Variants in ADGRG2 observed in about 807,000 individuals in gnomAD.
The protein encoded by ADGRG2 is adhesion G protein-coupled receptor G2.
In ADGRG2, 26 loss-of-function variants were observed where a neutral mutation model predicts 74.1. That is an observed-to-expected ratio of 0.35 (90% CI 0.26 to 0.49). The LOEUF (loss-of-function observed/expected upper bound fraction) is 0.49. Among genes scored for constraint, ADGRG2 ranks in the 20% least tolerant of loss-of-function variants. The pLI is 0.99. For synonymous variants in ADGRG2, 296 were observed against 295.2 expected (o/e 1.00, Z -0.03); for missense variants, 619 against 763.1 (o/e 0.81, Z 2.22).
intron 2 of ADGRG2, 55 bp from the exon 3 acceptor site, chrX:19,068,890 G>T: frequency 1.8e-6 from 1 of 560,418 alleles, no homozygotes. Context: ...TCACAACACA[G>T]CAATACCTCA....
At chrX:19,113,097 T>A (rs191497078) in intron 1 of ADGRG2, among the ~76,000 whole-genome samples, 320 of 107,368 alleles carry the variant, frequency 3.0e-3, no homozygotes, top group Non-Finnish European at 5.0e-3. Context: ...ACTCTAAACC[T>A]GCCGGTGCGG....
At chrX:19,024,507 G>A (rs770852335) in intron 11 of ADGRG2, among the ~76,000 whole-genome samples, 2 of 112,353 alleles carry the variant, frequency 1.8e-5, no homozygotes, top group South Asian at 3.7e-4. Flanking sequence ...GTTGGGATGA[G>A]AGGAATCCAG....
chrX:19,016,873 T>C (rs1207890025), intron 15 of ADGRG2, among the ~76,000 whole-genome samples: 1 of 108,776 alleles, frequency 9.2e-6, no homozygotes, highest in Non-Finnish European at 1.9e-5. Flanking sequence ...ACTACAGGTG[T>C]ACATCACCCT....
chrX:19,093,374 G>A (rs1166632110), intron 1 of ADGRG2, among the ~76,000 whole-genome samples: 1 of 111,796 alleles, frequency 8.9e-6, no homozygotes, highest in Non-Finnish European at 1.9e-5. Context: ...TCTAAATGGA[G>A]GCCAGTCTGT....
intron 3 of ADGRG2, among the ~76,000 whole-genome samples, chrX:19,040,725 A>G (rs1433968729): frequency 8.9e-6 from 1 of 112,139 alleles, no homozygotes; most frequent in African/African-American, 3.2e-5. Flanking sequence ...CTCTGGGTTT[A>G]TAAACTACAA....
At chrX:19,028,488 ACTC>A (rs2060752036) in intron 9 of ADGRG2, among the ~76,000 whole-genome samples, 1 of 111,424 alleles carries the variant, frequency 9.0e-6, no homozygotes, top group Non-Finnish European at 1.9e-5. Flanking sequence ...GGGGACTTTG[ACTC>A]TATCTGGAAA....
At chrX:19,066,445 CT>C (rs1225489257) in intron 3 of ADGRG2, among the ~76,000 whole-genome samples, 258 of 39,921 alleles carry the variant, frequency 6.5e-3, no homozygotes, top group East Asian at 0.026. Context: ...GAGGATGCTT[CT>C]TTTTTTTTTT....
At chrX:19,021,581 A>G (rs1236548224) in intron 13 of ADGRG2, among the ~76,000 whole-genome samples, 2 of 111,748 alleles carry the variant, frequency 1.8e-5, no homozygotes, top group East Asian at 5.7e-4. Context: ...CCTGGTGTCC[A>G]TAAACATTTG....
At chrX:19,095,839 C>A (rs1011781799) in intron 1 of ADGRG2, among the ~76,000 whole-genome samples, 2 of 109,687 alleles carry the variant, frequency 1.8e-5, no homozygotes, top group African/African-American at 3.3e-5. Context: ...CATAGTGAGA[C>A]CCTCCCCCAT....
chrX:19,036,813 G>T (rs1466630306), intron 6 of ADGRG2, among the ~76,000 whole-genome samples: 2 of 111,279 alleles, frequency 1.8e-5, no homozygotes, highest in Non-Finnish European at 3.8e-5. Flanking sequence ...TGATTGTTTA[G>T]CTCCTTAGCC....
intron 15 of ADGRG2, 24 bp downstream of exon 15, chrX:19,019,575 A>C: frequency 1.2e-6 from 1 of 835,052 alleles, no homozygotes; most frequent in South Asian, 2.3e-5. Context: ...TTTAAGGAGA[A>C]GGGTCAGCAT....
At chrX:19,018,297 T>G (rs5955673) in intron 15 of ADGRG2, among the ~76,000 whole-genome samples, 12,149 of 107,160 alleles carry the variant, frequency 0.11, 1,400 homozygotes, top group African/African-American at 0.34. Context: ...TTGTTTGTTT[T>G]TTTTTAATTT....
chrX:19,076,992 T>C (rs1569129006), intron 2 of ADGRG2, among the ~76,000 whole-genome samples: 1 of 111,682 alleles, frequency 9.0e-6, no homozygotes, highest in Non-Finnish European at 1.9e-5. Context: ...TGATTATCTT[T>C]ACACATTGAA....
intron 2 of ADGRG2, 140 bp from the exon 3 acceptor site, chrX:19,068,975 G>A (rs994581155): frequency 1.5e-5 from 5 of 343,464 alleles, no homozygotes; most frequent in South Asian, 1.4e-4. Context: ...AATCAGAAAC[G>A]CCAGTTGGGC....
intron 20 of ADGRG2, 31 bp downstream of exon 20, chrX:19,007,204 C>CA (rs775931550): frequency 8.3e-7 from 1 of 1,203,177 alleles, no homozygotes; most frequent in Non-Finnish European, 1.1e-6. Flanking sequence ...TGTTCCTGGT[C>CA]AATGAACAGA....
chrX:19,054,717 G>A (rs989062604), intron 3 of ADGRG2, among the ~76,000 whole-genome samples: 2 of 112,097 alleles, frequency 1.8e-5, no homozygotes, highest in African/African-American at 3.2e-5. Flanking sequence ...CATCATCTTC[G>A]TTAGACCAAC....
chrX:19,066,445 CTTTTTTTTTTTTT>C (rs1225489257), intron 3 of ADGRG2, among the ~76,000 whole-genome samples: 4 of 39,941 alleles, frequency 1.0e-4, no homozygotes, highest in African/African-American at 3.4e-4. Flanking sequence ...GAGGATGCTT[CTTTTTTTTTTTTT>C]TTTTTTTTTT....
In ADGRG2 at chrX:19,007,238, G is replaced by C. The variant is rs775051915; in HGVS notation, c.1686C>G (p.Ser562Arg). 2 of 1,210,283 alleles carry C rather than the reference G, an allele frequency of 1.7e-6. No homozygotes were observed. The highest frequency in any genetic ancestry group is 4.3e-5 in the Admixed American group (2 of 45,978). Reference sequence around the variant, plus strand: ...GACGGCACTGGCCTCTCCCCACCTGGCTCGGGTTGATGTGCTTTAATGTGA... The same window carrying C: ...GACGGCACTGGCCTCTCCCCACCTGCCTCGGGTTGATGTGCTTTAATGTGA... ...VTVTLKHINP[S>R]QDELTVRCVF... Residue 562 changes from serine to arginine, a missense_variant, in exon 20 of 29, where the codon AGC becomes AGG. By Grantham distance (110) the Ser-to-Arg change is moderately radical. Around this residue, in one of 3 missense-constraint regions of ADGRG2, gnomAD observed 221 missense variants for 340.6 expected, o/e 0.65. Transcript: ENST00000379869.
At chrX:19,100,832 A>G (rs1335689681) in intron 1 of ADGRG2, among the ~76,000 whole-genome samples, 2 of 113,363 alleles carry the variant, frequency 1.8e-5, no homozygotes, top group Non-Finnish European at 3.7e-5. Context: ...TGCCAAGTAA[A>G]AAAGGAAACA....
Sources: gnomAD v4.1 joint callset for allele counts (sites outside exome capture counted in the v4.1 genomes callset) on GRCh38, gnomAD v4.1.1 for gene constraint, gnomAD v4.1.1 regional missense constraint, MANE v1.5 for transcripts, NCBI Gene and HGNC (gene_info 2026-07-23, HGNC 2026-07-21) for gene names.